The following RASGRF1 variants were observed in gnomAD, a reference collection of about 807,000 sequenced individuals.
RASGRF1 encodes the protein Ras protein specific guanine nucleotide releasing factor 1, also known as ras-specific guanine nucleotide-releasing factor 1.
Under a neutral mutation model 138.7 loss-of-function variants are expected in RASGRF1, and 40 were observed. That is an observed-to-expected ratio of 0.29 (90% CI 0.22 to 0.38). The LOEUF (loss-of-function observed/expected upper bound fraction) is 0.38, where lower values mean the gene tolerates loss of function less well. Ranked by LOEUF, RASGRF1 falls within the 10% of genes least tolerant of loss-of-function variation. The pLI, the probability that RASGRF1 is intolerant of heterozygous loss-of-function variation, is 1.00. For synonymous variants in RASGRF1, 614 were observed against 663.2 expected, an observed-to-expected ratio of 0.93 and a Z score of 1.14; for missense variants, 1,108 against 1,650.4, an observed-to-expected ratio of 0.67 and a Z score of 5.69.
intron 3 of RASGRF1, among the ~76,000 whole-genome samples, 185 bp from the exon 4 acceptor site, chr15:79,049,773 A>G (rs916004801): frequency 1.3e-5 from 2 of 152,110 alleles, no homozygotes; most frequent in Non-Finnish European, 2.9e-5. Context: ...GACAGGCCCC[A>G]GACATCTGTG....
At chr15:79,061,234 G>A (rs186259902) in intron 2 of RASGRF1, among the ~76,000 whole-genome samples, 2 of 152,090 alleles carry the variant, frequency 1.3e-5, no homozygotes, top group Admixed American at 6.5e-5. Context: ...TCTTCAGAGA[G>A]GAGCTCAGCC....
At chr15:78,965,062 A>G (rs568897140) in intron 26 of RASGRF1, among the ~76,000 whole-genome samples, 3 of 152,280 alleles carry the variant, frequency 2.0e-5, no homozygotes, top group Admixed American at 2.0e-4. Context: ...AAATGTTGCA[A>G]TGAAGATCTT....
At chr15:79,025,024 T>C (rs1396149237) in intron 10 of RASGRF1, among the ~76,000 whole-genome samples, 1 of 150,692 alleles carries the variant, frequency 6.6e-6, no homozygotes, top group African/African-American at 2.5e-5. Flanking sequence ...ACATGCCTTT[T>C]AGGGGTCTGT....
intron 5 of RASGRF1, among the ~76,000 whole-genome samples, chr15:79,044,393 AT>A (rs1170380821): frequency 6.6e-6 from 1 of 152,212 alleles, no homozygotes. Context: ...TTCTCACCAC[AT>A]TTCATGGTAA....
chr15:78,973,498 C>A lies in RASGRF1; in HGVS notation c.3495-78G>T. The A allele has an allele frequency of 9.1e-7, 1 of 1,098,376 alleles. No individual in the cohort carries two copies. The highest frequency in any genetic ancestry group is 2.4e-5 in the East Asian group (1 of 41,966). The allele number at this position is 1,098,376 out of a possible 1,614,324, so 68.0% of individuals were successfully genotyped here. On this transcript the variant is annotated intron_variant, in intron 24 of 26. Coordinates refer to ENST00000558480, the MANE Select transcript of RASGRF1 (RefSeq NM_001145648.3). The surrounding 1 kb of genome is among the most constrained non-coding windows in gnomAD (Gnocchi z 4.9). The stretch of plus-strand genomic sequence containing the variant: ...TACCAAGAACAGAACATCCCGCATG[C>A]ACCTTTTGCTTTGCTAGAGGCAAAG...
chr15:79,067,906 G>A (rs1389444477), intron 1 of RASGRF1, among the ~76,000 whole-genome samples: 1 of 152,174 alleles, frequency 6.6e-6, no homozygotes, highest in South Asian at 2.1e-4. Flanking sequence ...GAGAGGATGA[G>A]CTCCAGGCTC....
intron 1 of RASGRF1, among the ~76,000 whole-genome samples, chr15:79,076,880 C>T (rs2057840605): frequency 6.6e-6 from 1 of 152,228 alleles, no homozygotes; most frequent in Admixed American, 6.5e-5. Context: ...CAGGGTAGCC[C>T]TGGTTGACTG....
intron 1 of RASGRF1, 36 bp from the exon 2 acceptor site, chr15:79,064,562 T>C (rs1212761706): frequency 6.3e-6 from 10 of 1,591,760 alleles, no homozygotes; most frequent in Non-Finnish European, 8.6e-6. Flanking sequence ...ATTACCAGAG[T>C]GTCCATGGGA....
chr15:79,020,478 G>A (rs2056945351), intron 10 of RASGRF1, among the ~76,000 whole-genome samples: 1 of 152,192 alleles, frequency 6.6e-6, no homozygotes, highest in Admixed American at 6.5e-5. Context: ...CCCCGTTTTA[G>A]GCCAAAGCTA....
At chr15:79,018,834 G>A (rs1056146688) in intron 11 of RASGRF1, among the ~76,000 whole-genome samples, 3 of 152,166 alleles carry the variant, frequency 2.0e-5, no homozygotes, top group African/African-American at 7.2e-5. Flanking sequence ...CACCTCCCTG[G>A]GCCTAGGAGG....
At chr15:78,989,481 C>G (rs545321028) in intron 22 of RASGRF1, among the ~76,000 whole-genome samples, 3 of 151,424 alleles carry the variant, frequency 2.0e-5, no homozygotes, top group South Asian at 2.1e-4. Flanking sequence ...ATTAAACATT[C>G]GCTCAGCACT....
chr15:79,084,425 C>A (rs538937579), intron 1 of RASGRF1, among the ~76,000 whole-genome samples: 6 of 152,312 alleles, frequency 3.9e-5, no homozygotes, highest in African/African-American at 1.4e-4. Context: ...GCAGGCAGAC[C>A]CCAAAGTGAC....
rs1555452960 is a variant in RASGRF1 at position 78,993,386 on chromosome 15, G to GTAGTGT, written c.3028-1593_3028-1592insACACTA. ...TTGGTGTGTGTAGTGTGTGTGTGTG[G>GTAGTGT]GTGTGTGTGTGTGTTTGTGTGGTGG... On this transcript the variant is annotated intron_variant, in intron 20 of 26. Transcript: ENST00000558480. 8.7e-4 allele frequency among the ~76,000 whole-genome samples: 108 copies of GTAGTGT among 123,916 alleles called. 1 individual carries two copies. The highest frequency in any genetic ancestry group is 3.1e-3 in the African/African-American group (103 of 33,306). The allele number at this position is 123,916 out of a possible 152,430, so 81.3% of individuals were successfully genotyped here.
intron 2 of RASGRF1, among the ~76,000 whole-genome samples, chr15:79,062,954 G>A (rs902182946): frequency 2.6e-5 from 4 of 151,660 alleles, no homozygotes; most frequent in Non-Finnish European, 5.9e-5. Context: ...GTCGTAGGGG[G>A]GTGGGTGGGG....
rs185839831 is a variant in RASGRF1 at position 78,972,527 on chromosome 15, A to T, written c.3613-593T>A. ...CTTTAATTAGTGGCATAAGCTACCT[A>T]ACATCACTAGAACAAAACCCCACGA... On this transcript the variant is annotated intron_variant, in intron 25 of 26. Transcript: ENST00000558480. Among the ~76,000 whole-genome samples the T allele has an allele frequency of 3.1e-3, 479 of 152,208 alleles. 5 individuals are homozygous for T. Among genetic ancestry groups the T allele is most frequent in the South Asian group, 7.3e-3 (35 of 4,818 alleles).
At chr15:79,015,290 A>T (rs3816283) in intron 13 of RASGRF1, 37 bp downstream of exon 13, 185,554 of 1,570,206 alleles carry the variant, frequency 0.12, 11,659 homozygotes, top group Middle Eastern at 0.16. Flanking sequence ...CAGTCTCTGG[A>T]ATGCTGCCTG....
At chr15:78,989,961 G>T (rs192287518) in intron 22 of RASGRF1, among the ~76,000 whole-genome samples, 1 of 152,158 alleles carries the variant, frequency 6.6e-6, no homozygotes, top group Non-Finnish European at 1.5e-5. Flanking sequence ...AGATGACCAC[G>T]CAGTTAATCC....
chr15:79,058,553 C>A, intron 2 of RASGRF1, 72 bp from the exon 3 acceptor site: 1 of 1,571,244 alleles, frequency 6.4e-7, no homozygotes, highest in Non-Finnish European at 8.7e-7. Context: ...GGGCACTGAC[C>A]GGGAGAGGGG....
chr15:79,031,067 G>A (rs1324359321), intron 8 of RASGRF1, among the ~76,000 whole-genome samples: 2 of 152,232 alleles, frequency 1.3e-5, no homozygotes, highest in Non-Finnish European at 2.9e-5. Context: ...TATGGCCACA[G>A]GTTTTGACAC....
Sources: allele counts gnomAD v4.1 joint callset (sites outside exome capture counted in the v4.1 genomes callset), GRCh38; gene constraint gnomAD v4.1.1; non-coding constraint Gnocchi (gnomAD v3.1); transcripts MANE v1.5; gene names NCBI Gene and HGNC (gene_info 2026-07-23, HGNC 2026-07-21).